The following DNAH11 variants were observed in gnomAD, a reference collection of about 807,000 sequenced individuals.
DNAH11 encodes dynein axonemal heavy chain 11, also known as axonemal beta dynein heavy chain 11.
DNAH11 carries 442 observed loss-of-function variants against 526.0 expected under a neutral mutation model. That is an observed-to-expected ratio of 0.84 (90% CI 0.78 to 0.91). The LOEUF (loss-of-function observed/expected upper bound fraction) is 0.91, where lower values mean the gene tolerates loss of function less well. DNAH11 is among the 40% of genes least tolerant of loss of function. The probability of loss-of-function intolerance (pLI) is 0.00; values close to 1 mark genes in which losing one functional copy is unlikely to be tolerated. For missense variants in DNAH11, 6,989 were observed against 5,448.7 expected (o/e 1.28, Z -8.90); for synonymous variants, 2,461 against 1,935.9 (o/e 1.27, Z -7.12).
intron 65 of DNAH11, among the ~76,000 whole-genome samples, chr7:21,834,473 A>G (rs191845551): frequency 1.3e-4 from 20 of 152,282 alleles, no homozygotes; most frequent in African/African-American, 4.8e-4. Flanking sequence ...AGAATAAAAG[A>G]AGTAATGAAG....
intron 54 of DNAH11, among the ~76,000 whole-genome samples, chr7:21,756,241 C>G (rs1786633612): frequency 6.6e-6 from 1 of 151,988 alleles, no homozygotes; most frequent in Non-Finnish European, 1.5e-5. Context: ...TCCTACTGTT[C>G]CACCCCTGAA....
intron 54 of DNAH11, among the ~76,000 whole-genome samples, chr7:21,762,803 A>G (rs954841924): frequency 6.6e-6 from 1 of 152,212 alleles, no homozygotes; most frequent in African/African-American, 2.4e-5. Context: ...CAGAAGATTC[A>G]TCTTGGCAAT....
intron 45 of DNAH11, among the ~76,000 whole-genome samples, chr7:21,731,364 A>G (rs1034443344): frequency 1.3e-5 from 2 of 152,196 alleles, no homozygotes; most frequent in Admixed American, 1.3e-4. Flanking sequence ...GCACATAGAA[A>G]GATGATCATG....
Position 21,637,648 on chromosome 7 carries a change from T to A in DNAH11, c.4763T>A (p.Leu1588Ter). The A allele has an allele frequency of 6.3e-7, 1 of 1,590,122 alleles. No individual in the cohort carries two copies. Among genetic ancestry groups the A allele is most frequent in the Non-Finnish European group, 8.6e-7 (1 of 1,167,404 alleles). The change falls in exon 27 of 82, where the codon TTA becomes TAA. Residue 1588 changes from leucine (L) to a stop codon, truncating the protein, a stop_gained. Transcript: ENST00000409508. LOFTEE classifies it high-confidence loss of function. ...MFKTAKVENV[L>*]EATCRPNLYE... ...AAGACAGCCAAAGTAGAAAATGTGT[T>A]AGAAGCAACGTGCAGACCTAATCTC...
chr7:21,835,633 T>C (rs1781964154), intron 65 of DNAH11, among the ~76,000 whole-genome samples: 1 of 152,138 alleles, frequency 6.6e-6, no homozygotes, highest in Non-Finnish European at 1.5e-5. Context: ...AAAGGCCATA[T>C]ATGACAAACC....
At chr7:21,650,097 A>T (rs932161010) in intron 28 of DNAH11, among the ~76,000 whole-genome samples, 19 of 152,150 alleles carry the variant, frequency 1.2e-4, no homozygotes, top group South Asian at 2.1e-4. Flanking sequence ...AGTTTATTTT[A>T]AAAAAAACCC....
In DNAH11 at chr7:21,589,341, A is replaced by T. The variant is rs531107555; in HGVS notation, c.2107A>T (p.Asn703Tyr). The change falls in exon 12 of 82, where the codon AAT (asparagine) becomes TAT (tyrosine). Residue 703 changes from asparagine to tyrosine, a missense_variant. Asn to Tyr is a moderately radical substitution (Grantham distance 143). Transcript: ENST00000409508. Reference sequence around the variant, plus strand: ...GGATGAAATCTGTGAATTCAATTTGAATCAACCCTTGGTTAAATTCAGTGC... The same window carrying T: ...GGATGAAATCTGTGAATTCAATTTGTATCAACCCTTGGTTAAATTCAGTGC... ...NVDEICEFNL[N>Y]QPLVKFSAIN... is the part of the protein sequence containing the mutation. The T allele has an allele frequency of 6.2e-7, 1 of 1,610,138 alleles. No homozygotes were observed. The highest frequency in any genetic ancestry group is 1.3e-5 in the African/African-American group (1 of 74,730).
intron 7 of DNAH11, 71 bp from the exon 8 acceptor site, chr7:21,571,735 C>A: frequency 1.7e-6 from 2 of 1,190,616 alleles, no homozygotes. Flanking sequence ...TGAAAATGTT[C>A]TTGATTTGAA....
chr7:21,693,365 C>A (rs1783709624), intron 35 of DNAH11, among the ~76,000 whole-genome samples: 1 of 152,144 alleles, frequency 6.6e-6, no homozygotes, highest in Non-Finnish European at 1.5e-5. Context: ...CTGCTGGATT[C>A]AATATGACAC....
rs755395429 is a variant in DNAH11, at chr7:21,619,226, G to C, written c.4377+4G>C. 5.6e-6 allele frequency: 9 copies of C among 1,612,224 alleles called. No individual in the cohort carries two copies. In the South Asian group the frequency reaches 7.7e-5, roughly 14 times the overall value. ...GAAAGAGCTGGGGACTGAGAAGGTA[G>C]TGTCCTCGGGACTGGGTCATTTCTA... On this transcript the variant is annotated splice_donor_region_variant and intron_variant, in intron 24 of 81. Transcript: ENST00000409508.
At chr7:21,760,855 C>A (rs1343015276) in intron 54 of DNAH11, among the ~76,000 whole-genome samples, 1 of 80,554 alleles carries the variant, frequency 1.2e-5, no homozygotes, top group Non-Finnish European at 3.3e-5. Flanking sequence ...TAACCAACAG[C>A]CCCTAAGGTG....
At chr7:21,545,627 T>C (rs948895051) in intron 2 of DNAH11, among the ~76,000 whole-genome samples, 2 of 152,242 alleles carry the variant, frequency 1.3e-5, no homozygotes, top group Non-Finnish European at 2.9e-5. Context: ...GAAAAGGTGA[T>C]GAAAGTGTTA....
At chr7:21,667,635 C>T (rs1782469928) in intron 30 of DNAH11, among the ~76,000 whole-genome samples, 1 of 151,954 alleles carries the variant, frequency 6.6e-6, no homozygotes, top group Non-Finnish European at 1.5e-5. Context: ...TCAATATGAT[C>T]CATTAACATG....
intron 28 of DNAH11, among the ~76,000 whole-genome samples, chr7:21,645,536 G>T (rs1787316089): frequency 6.6e-6 from 1 of 152,072 alleles, no homozygotes. Context: ...CGTGGAACTT[G>T]AAAGAAGGAG....
intron 78 of DNAH11, 27 bp from the exon 79 acceptor site, chr7:21,894,857 C>G (rs202048747): frequency 3.7e-6 from 6 of 1,612,884 alleles, no homozygotes; most frequent in Non-Finnish European, 5.1e-6. Context: ...AAGATATTCA[C>G]TGTGTGGCTT....
At chr7:21,731,320 T>C (rs774823459) in intron 45 of DNAH11, among the ~76,000 whole-genome samples, 15 of 151,588 alleles carry the variant, frequency 9.9e-5, no homozygotes, top group Non-Finnish European at 1.9e-4. Flanking sequence ...ATCCAAAAAA[T>C]TTAATTATAG....
chr7:21,898,996 G>A (rs769883142), intron 79 of DNAH11, among the ~76,000 whole-genome samples: 7 of 151,574 alleles, frequency 4.6e-5, no homozygotes, highest in Non-Finnish European at 7.4e-5. Flanking sequence ...CCAAGTTGGC[G>A]CTTGTCAGTC....
intron 26 of DNAH11, among the ~76,000 whole-genome samples, chr7:21,637,138 G>A (rs1015526125): frequency 3.3e-5 from 5 of 152,072 alleles, no homozygotes; most frequent in African/African-American, 1.2e-4. Context: ...ATTTTTATAT[G>A]TAGGTATGCT....
chr7:21,883,984 A>C lies in DNAH11; in HGVS notation c.12388-307A>C, dbSNP rs555046763. 2.6e-5 allele frequency among the ~76,000 whole-genome samples: 4 copies of C among 152,320 alleles called. No homozygotes were observed. In the East Asian group the frequency reaches 7.7e-4, roughly 29 times the overall value. On this transcript the variant is annotated intron_variant, in intron 75 of 81. Transcript: ENST00000409508. Reference sequence around the variant, plus strand: ...CTGGAGCCCCAGAATTCAAGGTTGCAATGAGCTGTGATTGTGCCACTGCAC... The same window carrying C: ...CTGGAGCCCCAGAATTCAAGGTTGCCATGAGCTGTGATTGTGCCACTGCAC...
Sources: gnomAD v4.1 joint callset for allele counts (sites outside exome capture counted in the v4.1 genomes callset) on GRCh38, gnomAD v4.1.1 for gene constraint, MANE v1.5 for transcripts, NCBI Gene and HGNC (gene_info 2026-07-23, HGNC 2026-07-21) for gene names.